The following EEPD1 variants were observed in gnomAD, a reference collection of about 807,000 sequenced individuals.
The protein encoded by EEPD1 is endonuclease/exonuclease/phosphatase family domain containing 1.
EEPD1 carries 17 observed loss-of-function variants against 46.3 expected under a neutral mutation model. That is an observed-to-expected ratio of 0.37 (90% CI 0.25 to 0.55). The LOEUF (loss-of-function observed/expected upper bound fraction) is 0.55, where lower values mean the gene tolerates loss of function less well. Ranked by LOEUF, EEPD1 falls within the 20% of genes least tolerant of loss-of-function variation. The pLI is 0.83. For synonymous variants in EEPD1, 313 were observed against 315.6 expected, an observed-to-expected ratio of 0.99 and a Z score of 0.09; for missense variants, 673 against 745.6, an observed-to-expected ratio of 0.90 and a Z score of 1.13.
In EEPD1 at chr7:36,219,806, AGTGTGTGTGT is replaced by A. The variant is rs70977121; in HGVS notation, c.879-19154_879-19145del. 9.3e-3 allele frequency among the ~76,000 whole-genome samples: 701 copies of A among 75,422 alleles called. 10 individuals are homozygous for A. The highest frequency in any genetic ancestry group is 0.028 in the African/African-American group (608 of 21,936). 49.5% of individuals were successfully genotyped at this position (75,422 alleles called of 152,430 possible). A position where few individuals can be genotyped will look rare whatever the true frequency, so the allele number is the denominator to read the frequency against. ...GAGAGAGAGAGAGAGAGAGAGAGAG[AGTGTGTGTGT>A]GTGTGTGTGTGTGTGTGTGTGTGTT... On this transcript the variant is annotated intron_variant, in intron 2 of 7. Coordinates refer to ENST00000242108, the MANE Select transcript of EEPD1 (RefSeq NM_030636.3).
At chr7:36,199,368 C>A (rs138730039) in intron 2 of EEPD1, among the ~76,000 whole-genome samples, 4 of 152,130 alleles carry the variant, frequency 2.6e-5, no homozygotes, top group African/African-American at 7.2e-5. Flanking sequence ...ACCTGCCCCC[C>A]CTTTAGAATT....
chr7:36,186,318 C>T (rs1327837573), intron 2 of EEPD1, among the ~76,000 whole-genome samples: 1 of 152,122 alleles, frequency 6.6e-6, no homozygotes, highest in Admixed American at 6.6e-5. Context: ...TTACAATAAA[C>T]GATGGGAATG....
At chr7:36,219,654 GAGGAAGGAAGGAAAGA>G (rs1786100187) in intron 2 of EEPD1, among the ~76,000 whole-genome samples, 1 of 146,542 alleles carries the variant, frequency 6.8e-6, no homozygotes, top group African/African-American at 2.7e-5. Flanking sequence ...GAAGGAGGAA[GAGGAAGGAAGGAAAGA>G]AGGAAAGAAG....
At chr7:36,290,546 C>T (rs533731452) in intron 6 of EEPD1, among the ~76,000 whole-genome samples, 4 of 152,234 alleles carry the variant, frequency 2.6e-5, no homozygotes, top group East Asian at 3.9e-4. Flanking sequence ...CAAACAGAAC[C>T]GATGTGGTTA....
At position 36,154,762 on chromosome 7, in the gene EEPD1, G is replaced by A. The variant is rs1263990013; in HGVS notation, c.438G>A (p.Gln146=). Reference sequence around the variant, plus strand: ...ACATCAACACAGCCACCCCGGCCCAGCTCATGAGCGTGCGAGGCCTCTCGG... The same window carrying A: ...ACATCAACACAGCCACCCCGGCCCAACTCATGAGCGTGCGAGGCCTCTCGG... The part of the protein sequence containing the change: ...RVNINTATPA[Q]LMSVRGLSEK... Residue 146 remains glutamine (Q), a synonymous_variant, in exon 2 of 8, where the codon CAG becomes CAA. Transcript: ENST00000242108. The surrounding 1 kb of genome is among the most constrained non-coding windows in gnomAD (Gnocchi z 4.2). 1 of 1,614,108 alleles carries A rather than the reference G, an allele frequency of 6.2e-7. No homozygotes were observed.
At chr7:36,201,371 A>G (rs1785709912) in intron 2 of EEPD1, among the ~76,000 whole-genome samples, 1 of 152,190 alleles carries the variant, frequency 6.6e-6, no homozygotes, top group African/African-American at 2.4e-5. Context: ...TAGGAGGTTA[A>G]CTTTGGGAGA....
At chr7:36,264,097 A>G (rs751567865) in intron 3 of EEPD1, among the ~76,000 whole-genome samples, 1 of 152,216 alleles carries the variant, frequency 6.6e-6, no homozygotes, top group African/African-American at 2.4e-5. Context: ...TATTCATACT[A>G]TGACTAGAAA....
intron 2 of EEPD1, among the ~76,000 whole-genome samples, chr7:36,167,018 G>T (rs996530719): frequency 6.6e-6 from 1 of 152,126 alleles, no homozygotes; most frequent in African/African-American, 2.4e-5. Flanking sequence ...TTTTTTCTCA[G>T]TCCCCTTTCC....
At position 36,185,238 on chromosome 7, in the gene EEPD1, A is replaced by G. The variant is rs1785344888; in HGVS notation, c.878+30036A>G. 2.0e-5 allele frequency among the ~76,000 whole-genome samples: 3 copies of G among 152,234 alleles called. No individual in the cohort carries two copies. The South Asian group carries it at 6.2e-4, about 32-fold the overall frequency. ...CATCGTTGCACTTCTCATAAATGGA[A>G]TAGCATGCCATGTGTTCATCTGCAG... On this transcript the variant is annotated intron_variant, in intron 2 of 7. Coordinates refer to ENST00000242108, the MANE Select transcript of EEPD1 (RefSeq NM_030636.3).
At chr7:36,266,273 CTT>C (rs1289662041) in intron 3 of EEPD1, among the ~76,000 whole-genome samples, 1 of 152,098 alleles carries the variant, frequency 6.6e-6, no homozygotes, top group Non-Finnish European at 1.5e-5. Flanking sequence ...CTAAAACTGT[CTT>C]TTTTTGCACT....
intron 2 of EEPD1, among the ~76,000 whole-genome samples, chr7:36,177,687 G>A (rs1356324810): frequency 6.6e-6 from 1 of 151,994 alleles, no homozygotes; most frequent in East Asian, 1.9e-4. Context: ...TGATTCCATG[G>A]CATCTTATTT....
chr7:36,180,376 A>C (rs545796098), intron 2 of EEPD1, among the ~76,000 whole-genome samples: 1 of 152,186 alleles, frequency 6.6e-6, no homozygotes, highest in African/African-American at 2.4e-5. Flanking sequence ...TGTCTCCTTC[A>C]TGCCCTGCCC....
chr7:36,296,694 CTTTTTTTTTTT>C (rs60706978), intron 6 of EEPD1, among the ~76,000 whole-genome samples: 1 of 83,154 alleles, frequency 1.2e-5, no homozygotes, highest in African/African-American at 4.7e-5. Flanking sequence ...ACCCTTAGGT[CTTTTTTTTTTT>C]TTTTTTTTTT....
chr7:36,215,236 A>G (rs995148077), intron 2 of EEPD1, among the ~76,000 whole-genome samples: 1 of 152,176 alleles, frequency 6.6e-6, no homozygotes, highest in African/African-American at 2.4e-5. Context: ...TGCACCCCGC[A>G]GCGCTGCACC....
At position 36,188,510 on chromosome 7, in the gene EEPD1, C is replaced by T. The variant is rs1030896777; in HGVS notation, c.878+33308C>T. ...TCAGGAGGCAGCTGGCTGGAGCCAGCGGCGCTGTGACCAACGGAGATACAC... is the reference window on the plus strand; with the variant it reads ...TCAGGAGGCAGCTGGCTGGAGCCAGTGGCGCTGTGACCAACGGAGATACAC... On this transcript the variant is annotated intron_variant, in intron 2 of 7. Transcript: ENST00000242108. 5.9e-5 allele frequency among the ~76,000 whole-genome samples: 9 copies of T among 152,258 alleles called. No homozygotes were observed. The East Asian group carries it at 1.4e-3, about 23-fold the overall frequency.
intron 6 of EEPD1, 60 bp from the exon 7 acceptor site, chr7:36,296,933 T>C: frequency 6.4e-7 from 1 of 1,563,266 alleles, no homozygotes; most frequent in Non-Finnish European, 8.8e-7. Flanking sequence ...AGGGCCACGG[T>C]CAGTGTTGGG....
intron 2 of EEPD1, among the ~76,000 whole-genome samples, chr7:36,227,307 G>C (rs1322262326): frequency 6.6e-6 from 1 of 152,138 alleles, no homozygotes; most frequent in South Asian, 2.1e-4. Context: ...TTTCAAACCC[G>C]CTAAGAACAG....
At chr7:36,284,903 G>GC in intron 5 of EEPD1, 83 bp downstream of exon 5, 1 of 1,394,582 alleles carries the variant, frequency 7.2e-7, no homozygotes, top group Non-Finnish European at 9.3e-7. Flanking sequence ...AATAGCATGA[G>GC]TAAGAGAAGT....
chr7:36,196,560 C>T lies in EEPD1; in HGVS notation c.878+41358C>T, dbSNP rs1191584802. ...CCCAGTGCCTGCGATTGCAGGCGCGCGCCGCCACGCCTGACTGGTTTTCCT... is the reference window on the plus strand; with the variant it reads ...CCCAGTGCCTGCGATTGCAGGCGCGTGCCGCCACGCCTGACTGGTTTTCCT... On this transcript the variant is annotated intron_variant, in intron 2 of 7. Transcript: ENST00000242108. 2.6e-5 allele frequency among the ~76,000 whole-genome samples: 4 copies of T among 152,222 alleles called. No individual in the cohort carries two copies. The South Asian group carries it at 6.2e-4, about 24-fold the overall frequency.
Sources: allele counts gnomAD v4.1 joint callset (sites outside exome capture counted in the v4.1 genomes callset), GRCh38; gene constraint gnomAD v4.1.1; non-coding constraint Gnocchi (gnomAD v3.1); transcripts MANE v1.5; gene names NCBI Gene and HGNC (gene_info 2026-07-23, HGNC 2026-07-21).